FGFBP2: variants seen among roughly 807,000 people sequenced by gnomAD.
The protein encoded by FGFBP2 is fibroblast growth factor-binding protein 2.
A neutral mutation model predicts 7.3 loss-of-function variants in FGFBP2; 7 were observed. That is an observed-to-expected ratio of 0.96 (90% CI 0.55 to 1.81). FGFBP2 has a LOEUF of 1.81. Among genes scored for constraint, FGFBP2 ranks in the 40% most tolerant of loss-of-function variants. FGFBP2 has a pLI of 0.00. For synonymous variants in FGFBP2, 131 were observed against 110.2 expected, an observed-to-expected ratio of 1.19 and a Z score of -1.18; for missense variants, 291 against 280.1, an observed-to-expected ratio of 1.04 and a Z score of -0.28.
At chr4:15,960,950 C>A (rs1004287722) in intron 1 of FGFBP2, among the ~76,000 whole-genome samples, 1 of 152,168 alleles carries the variant, frequency 6.6e-6, no homozygotes, top group Non-Finnish European at 1.5e-5. Context: ...CCTGCTGACA[C>A]CTTGATCTTG....
At position 15,960,828 on chromosome 4, in the gene FGFBP2, G is replaced by A. The variant is rs552837169; in HGVS notation, c.*21-217C>T. 2.8e-3 allele frequency among the ~76,000 whole-genome samples: 429 copies of A among 152,290 alleles called. 3 individuals are homozygous for A. Among genetic ancestry groups the A allele is most frequent in the Admixed American group, 7.5e-3 (115 of 15,302 alleles). Reference sequence around the variant, plus strand: ...GGCTGTTTGGGTGGGACTTCATCCAGTGTGAATGGTATCCTAACAAAAAGA... The same window carrying A: ...GGCTGTTTGGGTGGGACTTCATCCAATGTGAATGGTATCCTAACAAAAAGA... On this transcript the variant is annotated intron_variant, in intron 1 of 1. Transcript: ENST00000259989.
chr4:15,960,259 C>T lies in FGFBP2; in HGVS notation c.*373G>A, dbSNP rs961955579. 7 of 152,200 alleles carry T rather than the reference C, an allele frequency of 4.6e-5. No homozygotes were observed. Among genetic ancestry groups the T allele is most frequent in the African/African-American group, 1.7e-4 (7 of 41,458 alleles). The allele number at this position is 152,200 out of a possible 1,614,324, so 9.4% of individuals were successfully genotyped here. On this transcript the variant is annotated 3_prime_UTR_variant, in exon 2 of 2. Transcript: ENST00000259989. ...CTAAAGTCGTATTTCTGAAATCATT[C>T]TTTTATTTTGCACACACATAGCTGC... is the stretch of plus-strand genomic sequence containing the variant.
Position 15,962,716 on chromosome 4 carries a change from C to A in FGFBP2, c.414G>T (p.Glu138Asp), listed in dbSNP as rs1210217507. Residue 138 changes from glutamate to aspartate, a missense_variant, in exon 1 of 2, where the codon GAG becomes GAT. Coordinates refer to ENST00000259989, the MANE Select transcript of FGFBP2 (RefSeq NM_031950.4). The stretch of plus-strand genomic sequence containing the variant: ...TCCCAGCCTCAGGCTGCTGGTTGGG[C>A]TCTGGGCTGCCCTTGAGGCTGGAAG... ...QVTSSLKGSP[E>D]PNQQPEAGTP... 6.2e-7 allele frequency: 1 copy of A among 1,613,880 alleles called. No individual in the cohort carries two copies. Among genetic ancestry groups the A allele is most frequent in the Admixed American group, 1.7e-5 (1 of 60,018 alleles).
Position 15,962,746 on chromosome 4 carries a change from C to T in FGFBP2, c.384G>A (p.Gln128=), listed in dbSNP as rs779457270. ...REAGPQAHMQ[Q]VTSSLKGSPE... is the part of the protein sequence containing the mutation. ...GGCTGCCCTTGAGGCTGGAAGTCAC[C>T]TGCTGCATATGGGCCTGGGGTCCAG... is the stretch of plus-strand genomic sequence containing the variant. The change falls in exon 1 of 2, where the codon CAG becomes CAA. Residue 128 remains glutamine (Q), a synonymous_variant. Transcript: ENST00000259989. The T allele has an allele frequency of 5.0e-6, 8 of 1,611,866 alleles. No individual in the cohort carries two copies. The African/African-American group carries it at 1.1e-4, about 22-fold the overall frequency.
rs768845048 is a variant in FGFBP2, at chr4:15,963,051, C to T, written c.79G>A (p.Gly27Arg). 6.2e-7 allele frequency: 1 copy of T among 1,614,048 alleles called. No individual in the cohort carries two copies. The highest frequency in any genetic ancestry group is 8.5e-7 in the Non-Finnish European group (1 of 1,179,948). Residue 27 changes from glycine (G) to arginine (R), a missense_variant, in exon 1 of 2, where the codon GGA (glycine) becomes AGA (arginine). Transcript: ENST00000259989. Reference protein sequence around the residue: ...TLGQAPRQKQGSTGEEFHFQT... With the variant: ...TLGQAPRQKQRSTGEEFHFQT... ...AAATGGAATTCCTCCCCAGTGCTTC[C>T]TTGCTTTTGCCTCGGGGCCTGACCC...
rs531327066 is a variant in FGFBP2, at chr4:15,962,994, G to C, written c.136C>G (p.Arg46Gly). Reference protein sequence around the residue: ...QTGGRDSCTMRPSSLGQGAGE... With the variant: ...QTGGRDSCTMGPSSLGQGAGE... ...GCACCTTGCCCCAAGCTGCTGGGACGCATAGTGCAGGAATCTCTCCCTCCA... is the reference window on the plus strand; with the variant it reads ...GCACCTTGCCCCAAGCTGCTGGGACCCATAGTGCAGGAATCTCTCCCTCCA... The change falls in exon 1 of 2, where the codon CGT (arginine) becomes GGT (glycine). Residue 46 changes from arginine to glycine, a missense_variant. Arg to Gly is a moderately radical substitution (Grantham distance 125). Transcript: ENST00000259989. 6.2e-7 allele frequency: 1 copy of C among 1,613,916 alleles called. No homozygotes were observed. Among genetic ancestry groups the C allele is most frequent in the South Asian group, 1.1e-5 (1 of 91,080 alleles).
In FGFBP2 at chr4:15,962,820, G is replaced by A. The variant is rs1351590055; in HGVS notation, c.310C>T (p.His104Tyr). 1 of 1,569,050 alleles carries A rather than the reference G, an allele frequency of 6.4e-7. No homozygotes were observed. The highest frequency in any genetic ancestry group is 8.6e-7 in the Non-Finnish European group (1 of 1,159,174). Residue 104 changes from histidine to tyrosine, a missense_variant, in exon 1 of 2, where the codon CAT becomes TAT. His to Tyr is a moderately conservative substitution (Grantham distance 83). Coordinates refer to ENST00000259989, the MANE Select transcript of FGFBP2 (RefSeq NM_031950.4). ...QALQELRRLH[H>Y]ACQGAPVLRP... ...AGCACCGGGGCCCCCTGGCACGCAT[G>A]GTGAAGGCGCCTCAGCTCCTGCAGG...
Position 15,962,851 on chromosome 4 carries a change from A to C in FGFBP2, c.279T>G (p.Asn93Lys). 6.4e-7 allele frequency: 1 copy of C among 1,561,758 alleles called. No individual in the cohort carries two copies. Among genetic ancestry groups the C allele is most frequent in the Non-Finnish European group, 8.6e-7 (1 of 1,156,498 alleles). ...GGCGCCTCAGCTCCTGCAGGGCTTG[A>C]TTCCAGTAAGGTTTGGGGTCAGCAG... ...AFAADPKPYW[N>K]QALQELRRLH... The change falls in exon 1 of 2, where the codon AAT becomes AAG. Residue 93 changes from asparagine to lysine, a missense_variant. Coordinates refer to ENST00000259989, the MANE Select transcript of FGFBP2 (RefSeq NM_031950.4).
Position 15,962,579 on chromosome 4 carries a change from T to C in FGFBP2, c.551A>G (p.Lys184Arg). The C allele has an allele frequency of 6.2e-7, 1 of 1,614,178 alleles. No individual in the cohort carries two copies. The highest frequency in any genetic ancestry group is 1.1e-5 in the South Asian group (1 of 91,082). ...KAKPTTRPTAKPTQPGPRPGG... is the reference protein window; with the variant it reads ...KAKPTTRPTARPTQPGPRPGG... Reference sequence around the variant, plus strand: ...GGGCCTGGGTCCAGGCTGGGTAGGTTTGGCTGTGGGTCGGGTGGTGGGTTT... The same window carrying C: ...GGGCCTGGGTCCAGGCTGGGTAGGTCTGGCTGTGGGTCGGGTGGTGGGTTT... The change falls in exon 1 of 2, where the codon AAA becomes AGA. Residue 184 changes from lysine to arginine, a missense_variant. Physicochemically the swap from Lys to Arg is conservative, Grantham distance 26. Transcript: ENST00000259989.
intron 1 of FGFBP2, among the ~76,000 whole-genome samples, chr4:15,961,178 G>A (rs1216613193): frequency 6.6e-6 from 1 of 151,966 alleles, no homozygotes; most frequent in African/African-American, 2.4e-5. Context: ...TGTCTAAATG[G>A]GTACTCTTCT....
chr4:15,962,632 C>G lies in FGFBP2; in HGVS notation c.498G>C (p.Lys166Asn). ...CTTTTCCCAGCTCTTCCATCGAGTC[C>G]TTTCCCAGCTGTGTTGCTTCTGTGA... ...VKLTEATQLGKDSMEELGKAK... is the reference protein window; with the variant it reads ...VKLTEATQLGNDSMEELGKAK... Residue 166 changes from lysine to asparagine, a missense_variant, in exon 1 of 2, where the codon AAG (lysine) becomes AAC (asparagine). Lys to Asn is a moderately conservative substitution (Grantham distance 94). Coordinates refer to ENST00000259989, the MANE Select transcript of FGFBP2 (RefSeq NM_031950.4). 6.2e-7 allele frequency: 1 copy of G among 1,614,178 alleles called. No individual in the cohort carries two copies.
chr4:15,962,951 C>A lies in FGFBP2; in HGVS notation c.179G>T (p.Arg60Leu), dbSNP rs62617788. ...LGQGAGEVWL[R>L]VDCRNTDQTY... ...CTGGTCTGTGTTGCGGCAGTCGACA[C>A]GAAGCCAGACTTCTCCAGCACCTTG... Residue 60 changes from arginine to leucine, a missense_variant, in exon 1 of 2, where the codon CGT (arginine) becomes CTT (leucine). Arg to Leu is a moderately radical substitution (Grantham distance 102). Transcript: ENST00000259989. 6.2e-7 allele frequency: 1 copy of A among 1,610,098 alleles called. No homozygotes were observed. Among genetic ancestry groups the A allele is most frequent in the Non-Finnish European group, 8.5e-7 (1 of 1,178,884 alleles).
In FGFBP2 at chr4:15,962,431, G is replaced by A; in HGVS notation, c.*20+7C>T. Reference sequence around the variant, plus strand: ...TCTCTGTATATGAGTAAAGGAAAGGGTATTACCTGTAGGGGTCTTTCACCT... The same window carrying A: ...TCTCTGTATATGAGTAAAGGAAAGGATATTACCTGTAGGGGTCTTTCACCT... On this transcript the variant is annotated splice_region_variant and intron_variant, in intron 1 of 1. Coordinates refer to ENST00000259989, the MANE Select transcript of FGFBP2 (RefSeq NM_031950.4). The A allele has an allele frequency of 6.5e-7, 1 of 1,529,300 alleles. No homozygotes were observed. The highest frequency in any genetic ancestry group is 8.8e-7 in the Non-Finnish European group (1 of 1,138,816). The allele number at this position is 1,529,300 out of a possible 1,614,324, so 94.7% of individuals were successfully genotyped here.
At chr4:15,960,976 G>A (rs1381780504) in intron 1 of FGFBP2, among the ~76,000 whole-genome samples, 1 of 152,194 alleles carries the variant, frequency 6.6e-6, no homozygotes, top group African/African-American at 2.4e-5. Flanking sequence ...TCAGTCTCCA[G>A]AATTGTGAGA....
intron 1 of FGFBP2, among the ~76,000 whole-genome samples, chr4:15,961,793 A>T (rs1713091061): frequency 6.6e-6 from 1 of 152,196 alleles, no homozygotes; most frequent in African/African-American, 2.4e-5. Context: ...GTTATTATTA[A>T]TTAGATTTTC....
rs1466376398 is a variant in FGFBP2, at chr4:15,962,846, GC to G, written c.283del (p.Ala95ProfsTer5). 6.4e-7 allele frequency: 1 copy of G among 1,562,414 alleles called. No individual in the cohort carries two copies. The highest frequency in any genetic ancestry group is 1.2e-5 in the South Asian group (1 of 85,066). The stretch of plus-strand genomic sequence containing the variant: ...GTGAAGGCGCCTCAGCTCCTGCAGG[GC>G]TTGATTCCAGTAAGGTTTGGGGTCA... ...AADPKPYWNQ[A>X]LQELRRLHHA... On this transcript the variant is annotated frameshift_variant, in exon 1 of 2. Coordinates refer to ENST00000259989, the MANE Select transcript of FGFBP2 (RefSeq NM_031950.4). LOFTEE classifies it low-confidence loss of function (END_TRUNC).
rs114861079 is a variant in FGFBP2 at position 15,962,348 on chromosome 4, G to A, written c.*20+90C>T. ...CTGAGACTCTGATGTGGTCGCAGCA[G>A]CTGTGAAAGTGCTAAGTGCCTCTCA... On this transcript the variant is annotated intron_variant, in intron 1 of 1. Coordinates refer to ENST00000259989, the MANE Select transcript of FGFBP2 (RefSeq NM_031950.4). 2.0e-3 allele frequency: 2,343 copies of A among 1,150,066 alleles called. 33 individuals are homozygous for A. The African/African-American group carries it at 0.033, about 16-fold the overall frequency. 71.2% of individuals were successfully genotyped at this position (1,150,066 alleles called of 1,614,324 possible).
chr4:15,960,534 T>A lies in FGFBP2; in HGVS notation c.*98A>T, dbSNP rs1713060777. 6.6e-6 allele frequency: 1 copy of A among 151,960 alleles called. No homozygotes were observed. Among genetic ancestry groups the A allele is most frequent in the South Asian group, 2.1e-4 (1 of 4,812 alleles). 9.4% of individuals were successfully genotyped at this position (151,960 alleles called of 1,614,324 possible). The stretch of plus-strand genomic sequence containing the variant: ...CCGTTGCATCTGATTAGAAACTCTC[T>A]TCTTCCAGTGTGAGAACGTTGGATT... On this transcript the variant is annotated 3_prime_UTR_variant, in exon 2 of 2. Coordinates refer to ENST00000259989, the MANE Select transcript of FGFBP2 (RefSeq NM_031950.4).
In FGFBP2 at chr4:15,962,889, A is replaced by G; in HGVS notation, c.241T>C (p.Cys81Arg). Residue 81 changes from cysteine (C) to arginine (R), a missense_variant, in exon 1 of 2, where the codon TGC becomes CGC. Coordinates refer to ENST00000259989, the MANE Select transcript of FGFBP2 (RefSeq NM_031950.4). ...TTGGGGTCAGCAGCGAAAGCCTGGC[A>G]CATGCTGGGCTGCCCCCTGTACTCA... ...WCEYRGQPSM[C>R]QAFAADPKPY... 1 of 1,563,900 alleles carries G rather than the reference A, an allele frequency of 6.4e-7. No individual in the cohort carries two copies. Among genetic ancestry groups the G allele is most frequent in the Non-Finnish European group, 8.7e-7 (1 of 1,155,778 alleles).
Sources: allele counts gnomAD v4.1 joint callset (sites outside exome capture counted in the v4.1 genomes callset), GRCh38; gene constraint gnomAD v4.1.1; transcripts MANE v1.5; gene names NCBI Gene and HGNC (gene_info 2026-07-23, HGNC 2026-07-21).